EFNA5: variants seen among roughly 807,000 people sequenced by gnomAD.
EFNA5 encodes the protein ephrin-A5.
EFNA5 carries 5 observed loss-of-function variants against 22.9 expected under a neutral mutation model. The ratio of observed to expected loss-of-function variants is 0.22; its 90% CI spans 0.11 to 0.46. The LOEUF is 0.46. Among genes scored for constraint, EFNA5 ranks in the 20% least tolerant of loss-of-function variants. The pLI, the probability that EFNA5 is intolerant of heterozygous loss-of-function variation, is 0.99. For missense variants in EFNA5, 237 were observed against 293.3 expected, an observed-to-expected ratio of 0.81 and a Z score of 1.40; for synonymous variants, 113 against 112.2, an observed-to-expected ratio of 1.01 and a Z score of -0.04.
intron 1 of EFNA5, among the ~76,000 whole-genome samples, chr5:107,528,376 G>C (rs1747741366): frequency 6.9e-6 from 1 of 145,256 alleles, no homozygotes; most frequent in Admixed American, 6.8e-5. Flanking sequence ...AAACAGTTTT[G>C]TTTTTTAGTT....
intron 1 of EFNA5, among the ~76,000 whole-genome samples, chr5:107,461,984 C>T (rs1396254245): frequency 1.3e-5 from 2 of 152,156 alleles, no homozygotes; most frequent in African/African-American, 4.8e-5. Context: ...TAACTAAATT[C>T]CAATGTGCCC....
At chr5:107,478,602 T>A (rs928221264) in intron 1 of EFNA5, among the ~76,000 whole-genome samples, 1 of 152,058 alleles carries the variant, frequency 6.6e-6, no homozygotes, top group Non-Finnish European at 1.5e-5. Context: ...GGAAAAAATA[T>A]ACAGCATGAA....
chr5:107,417,332 T>C (rs1748528377), intron 2 of EFNA5, among the ~76,000 whole-genome samples: 1 of 152,172 alleles, frequency 6.6e-6, no homozygotes, highest in Non-Finnish European at 1.5e-5. Flanking sequence ...TCAGAATGAA[T>C]TAATTTTTTT....
intron 2 of EFNA5, among the ~76,000 whole-genome samples, chr5:107,422,284 T>G (rs533214024): frequency 6.6e-6 from 1 of 152,336 alleles, no homozygotes; most frequent in East Asian, 1.9e-4. Context: ...AAATTCTAGT[T>G]ATCCTTACTT....
intron 2 of EFNA5, among the ~76,000 whole-genome samples, chr5:107,393,485 A>ATCC (rs1747837169): frequency 6.6e-6 from 1 of 152,224 alleles, no homozygotes; most frequent in African/African-American, 2.4e-5. Context: ...GAAAGCCAAA[A>ATCC]TCCTCCTTTT....
chr5:107,562,457 A>C (rs1285159066), intron 1 of EFNA5, among the ~76,000 whole-genome samples: 1 of 152,104 alleles, frequency 6.6e-6, no homozygotes, highest in Non-Finnish European at 1.5e-5. Context: ...TGAAGTTGAA[A>C]GTATTTATTA....
chr5:107,560,058 AGG>A (rs1748503441), intron 1 of EFNA5, among the ~76,000 whole-genome samples: 2 of 152,204 alleles, frequency 1.3e-5, no homozygotes, highest in East Asian at 3.8e-4. Flanking sequence ...TAAGAGTATT[AGG>A]GTAGTTATAT....
intron 2 of EFNA5, chr5:107,388,609 A>G (rs999670039): frequency 3.9e-5 from 6 of 152,206 alleles, no homozygotes; most frequent in African/African-American, 1.2e-4. Context: ...CTGTGTACAC[A>G]CAGCAAAATG....
chr5:107,630,481 ACAG>A (rs1750227356), intron 1 of EFNA5, among the ~76,000 whole-genome samples: 1 of 152,208 alleles, frequency 6.6e-6, no homozygotes, highest in Non-Finnish European at 1.5e-5. Context: ...TAGAAAAGGC[ACAG>A]TAAAATTATG....
intron 1 of EFNA5, among the ~76,000 whole-genome samples, chr5:107,656,271 A>C (rs1283715806): frequency 6.6e-6 from 1 of 152,206 alleles, no homozygotes; most frequent in Non-Finnish European, 1.5e-5. Flanking sequence ...AATTTTACAA[A>C]GGAGATTCAA....
intron 1 of EFNA5, among the ~76,000 whole-genome samples, chr5:107,496,335 T>TG (rs1746981382): frequency 2.4e-5 from 1 of 41,938 alleles, no homozygotes; most frequent in African/African-American, 2.2e-4. Flanking sequence ...AAATTCCATC[T>TG]CAAAAAAAAA....
intron 1 of EFNA5, among the ~76,000 whole-genome samples, chr5:107,609,597 G>A (rs1749787378): frequency 6.6e-6 from 1 of 152,164 alleles, no homozygotes; most frequent in African/African-American, 2.4e-5. Context: ...GCCCACGTGA[G>A]AGCTGGAGGC....
At chr5:107,382,388 T>G (rs1453730105) in intron 4 of EFNA5, among the ~76,000 whole-genome samples, 1 of 152,186 alleles carries the variant, frequency 6.6e-6, no homozygotes, top group Non-Finnish European at 1.5e-5. Flanking sequence ...TAATATTTTT[T>G]TAGAGGTAAG....
chr5:107,596,937 C>G (rs886685609), intron 1 of EFNA5, among the ~76,000 whole-genome samples: 1 of 152,102 alleles, frequency 6.6e-6, no homozygotes, highest in African/African-American at 2.4e-5. Flanking sequence ...TTAGGTGGAT[C>G]AGGACCCCAG....
intron 1 of EFNA5, among the ~76,000 whole-genome samples, chr5:107,538,877 T>C (rs537396295): frequency 6.6e-6 from 1 of 152,340 alleles, no homozygotes; most frequent in Admixed American, 6.5e-5. Context: ...AGTGGTTCCT[T>C]TGAGGCATTC....
chr5:107,442,929 TA>T (rs544741414), intron 1 of EFNA5, among the ~76,000 whole-genome samples: 10,449 of 82,308 alleles, frequency 0.13, 387 homozygotes, highest in Middle Eastern at 0.16. Flanking sequence ...CCCCAGGTAC[TA>T]AAAAAAAAAA....
intron 1 of EFNA5, among the ~76,000 whole-genome samples, chr5:107,665,207 C>T (rs1021956934): frequency 2.0e-5 from 3 of 152,154 alleles, no homozygotes; most frequent in African/African-American, 7.2e-5. Context: ...CTTGGCCCAG[C>T]GTGAAGCTGG....
intron 1 of EFNA5, among the ~76,000 whole-genome samples, chr5:107,595,717 C>T (rs1159001573): frequency 1.3e-5 from 2 of 152,188 alleles, no homozygotes; most frequent in African/African-American, 2.4e-5. Flanking sequence ...GCCCAAGATT[C>T]GGAATCAGAC....
At chr5:107,450,100 G>C (rs1319867956) in intron 1 of EFNA5, among the ~76,000 whole-genome samples, 1 of 152,162 alleles carries the variant, frequency 6.6e-6, no homozygotes, top group African/African-American at 2.4e-5. Flanking sequence ...TATTAACGAC[G>C]GCAGAAAGCC....
Sources: allele counts gnomAD v4.1 joint callset (sites outside exome capture counted in the v4.1 genomes callset), GRCh38; gene constraint gnomAD v4.1.1; transcripts MANE v1.5; gene names NCBI Gene and HGNC (gene_info 2026-07-23, HGNC 2026-07-21).